ZNF44: variants seen among roughly 807,000 people sequenced by gnomAD.
ZNF44 encodes the protein zinc finger protein 44, also known as gonadotropin inducible transcription repressor-2.
A neutral mutation model predicts 11.7 loss-of-function variants in ZNF44; 9 were observed. That is an observed-to-expected ratio of 0.77 (90% CI 0.46 to 1.35). The LOEUF (loss-of-function observed/expected upper bound fraction) is 1.35, where lower values mean the gene tolerates loss of function less well. ZNF44 is among the 40% of genes most tolerant of loss of function. The probability of loss-of-function intolerance (pLI) is 0.00; values close to 1 mark genes in which losing one functional copy is unlikely to be tolerated. For missense variants in ZNF44, 696 were observed against 743.1 expected, an observed-to-expected ratio of 0.94 and a Z score of 0.74; for synonymous variants, 224 against 242.7, an observed-to-expected ratio of 0.92 and a Z score of 0.72.
At chr19:12,264,030 T>A (rs1209850159) in intron 5 of ZNF44, among the ~76,000 whole-genome samples, 4 of 151,920 alleles carry the variant, frequency 2.6e-5, no homozygotes, top group Non-Finnish European at 5.9e-5. Context: ...GAGGCTGCAG[T>A]GAGCCAAGAC....
At chr19:12,259,087 C>G (rs1917389428) in intron 5 of ZNF44, among the ~76,000 whole-genome samples, 1 of 152,134 alleles carries the variant, frequency 6.6e-6, no homozygotes. Context: ...GTTGCCCAGG[C>G]TCGTCTTGAA....
At chr19:12,227,602 G>A (rs751185433) in intron 3 of ZNF44, among the ~76,000 whole-genome samples, 9 of 152,208 alleles carry the variant, frequency 5.9e-5, no homozygotes, top group East Asian at 1.9e-4. Context: ...GTGAAAATCC[G>A]TCTCAGAAAA....
chr19:12,290,524 A>C (rs1967965324), intron 1 of ZNF44, among the ~76,000 whole-genome samples: 1 of 150,288 alleles, frequency 6.7e-6, no homozygotes, highest in Non-Finnish European at 1.5e-5. Flanking sequence ...ACATGGTGAA[A>C]CCCCATCGCT....
intron 1 of ZNF44, among the ~76,000 whole-genome samples, chr19:12,287,855 G>T (rs2145763199): frequency 6.6e-6 from 1 of 152,288 alleles, no homozygotes; most frequent in South Asian, 2.1e-4. Context: ...GCATTATATG[G>T]ATGGTATGTT....
At chr19:12,264,428 C>T (rs1466733096) in intron 5 of ZNF44, among the ~76,000 whole-genome samples, 3 of 152,116 alleles carry the variant, frequency 2.0e-5, no homozygotes, top group Admixed American at 2.0e-4. Context: ...AGTCATGCGG[C>T]TTTAGAACAC....
intron 5 of ZNF44, among the ~76,000 whole-genome samples, chr19:12,261,307 G>C (rs1841135184): frequency 1.3e-5 from 2 of 152,222 alleles, no homozygotes; most frequent in African/African-American, 2.4e-5. Flanking sequence ...TAAAAATGTA[G>C]AGTCCAACCA....
chr19:12,241,045 CCTA>C (rs1477598063), upstream of ZNF44, among the ~76,000 whole-genome samples: 7 of 152,198 alleles, frequency 4.6e-5, no homozygotes, highest in East Asian at 1.9e-4. Flanking sequence ...CATAGGAACT[CCTA>C]CAACTCAACA....
chr19:12,288,771 A>AATAT (rs1967866703), intron 1 of ZNF44, among the ~76,000 whole-genome samples: 4 of 38,368 alleles, frequency 1.0e-4, no homozygotes, highest in African/African-American at 6.9e-4. Flanking sequence ...AAAAAAAAAA[A>AATAT]ATGTATATAT....
At chr19:12,244,229 T>A (rs1568424878), downstream of ZNF44, among the ~76,000 whole-genome samples, 1 of 152,114 alleles carries the variant, frequency 6.6e-6, no homozygotes, top group Non-Finnish European at 1.5e-5. Flanking sequence ...GTCGCCCAGG[T>A]TGGTCCCAGA....
chr19:12,249,244 A>ATG (rs1916888860), intron 7 of ZNF44, among the ~76,000 whole-genome samples: 4 of 151,056 alleles, frequency 2.6e-5, no homozygotes, highest in African/African-American at 9.7e-5. Context: ...GGTGGCTCAC[A>ATG]CCTGTAATCC....
chr19:12,251,637 T>A (rs1345889909), intron 5 of ZNF44, among the ~76,000 whole-genome samples: 1 of 152,164 alleles, frequency 6.6e-6, no homozygotes, highest in African/African-American at 2.4e-5. Flanking sequence ...CAGGGATACT[T>A]CCTACCAATT....
exon 8 of ZNF44, chr19:12,247,669 C>T: frequency 7.4e-7 from 1 of 1,352,670 alleles, no homozygotes; most frequent in African/African-American, 1.5e-5. Flanking sequence ...CAATAAAAGG[C>T]TTTCCCACAT....
At chr19:12,254,514 C>T (rs1917160449) in intron 5 of ZNF44, among the ~76,000 whole-genome samples, 1 of 152,052 alleles carries the variant, frequency 6.6e-6, no homozygotes, top group African/African-American at 2.4e-5. Flanking sequence ...GGGCCGACTG[C>T]CTGAGGTCAG....
chr19:12,273,508 C>T lies in ZNF44; in HGVS notation c.747G>A (p.Gly249=), dbSNP rs878973251. The change falls in exon 4 of 4, where the codon GGG becomes GGA. Residue 249 remains glycine, a synonymous_variant. Coordinates refer to ENST00000355684, the MANE Select transcript of ZNF44 (RefSeq NM_016264.4). ...ACTGCTTACATTCATACGGTTTCTCCCCAGTGTGTATTTTTTCATGTCTTA... is the reference window on the plus strand; with the variant it reads ...ACTGCTTACATTCATACGGTTTCTCTCCAGTGTGTATTTTTTCATGTCTTA... ...SYLRHEKIHT[G]EKPYECKQCS... 1 of 1,612,448 alleles carries T rather than the reference C, an allele frequency of 6.2e-7. No individual in the cohort carries two copies. The highest frequency in any genetic ancestry group is 2.2e-5 in the East Asian group (1 of 44,762).
chr19:12,248,941 T>A (rs1916872460), intron 7 of ZNF44, among the ~76,000 whole-genome samples: 1 of 151,302 alleles, frequency 6.6e-6, no homozygotes. Flanking sequence ...TCACCCAGGC[T>A]ACACTCTGTC....
At chr19:12,235,308 G>A (rs1290310199) in intron 1 of ZNF44, among the ~76,000 whole-genome samples, 2 of 152,218 alleles carry the variant, frequency 1.3e-5, no homozygotes, top group Non-Finnish European at 2.9e-5. Context: ...GGCGGAGCTT[G>A]CAGTGAGCCG....
At chr19:12,241,055 A>C (rs1568423249), upstream of ZNF44, among the ~76,000 whole-genome samples, 1 of 152,234 alleles carries the variant, frequency 6.6e-6, no homozygotes, top group South Asian at 2.1e-4. Flanking sequence ...CCTACAACTC[A>C]ACAAAACAAA....
chr19:12,250,683 C>T, intron 5 of ZNF44: 1 of 424,276 alleles, frequency 2.4e-6, no homozygotes, highest in Non-Finnish European at 4.7e-6. Flanking sequence ...GTGAGAAAAA[C>T]TCATCTTCTT....
chr19:12,262,151 C>T (rs1256657746), intron 5 of ZNF44, among the ~76,000 whole-genome samples: 1 of 152,172 alleles, frequency 6.6e-6, no homozygotes, highest in African/African-American at 2.4e-5. Flanking sequence ...TTAAACCTAA[C>T]TCTAAATGTA....
Sources: gnomAD v4.1 joint callset for allele counts (sites outside exome capture counted in the v4.1 genomes callset) on GRCh38, gnomAD v4.1.1 for gene constraint, MANE v1.5 for transcripts, NCBI Gene and HGNC (gene_info 2026-07-23, HGNC 2026-07-21) for gene names.